PDE4D: variants seen among roughly 807,000 people sequenced by gnomAD.
The protein encoded by PDE4D is phosphodiesterase 4D.
PDE4D carries 24 observed loss-of-function variants against 87.4 expected under a neutral mutation model. The observed-to-expected ratio is 0.27, with a 90% confidence interval of 0.20 to 0.39. PDE4D has a LOEUF of 0.39. Ranked by LOEUF, PDE4D falls within the 10% of genes least tolerant of loss-of-function variation. PDE4D has a pLI of 1.00. For synonymous variants in PDE4D, 384 were observed against 383.2 expected (o/e 1.00, Z -0.02); for missense variants, 714 against 1,041.0 (o/e 0.69, Z 4.32).
At chr5:60,234,071 T>C (rs2149635102) in intron 1 of PDE4D, among the ~76,000 whole-genome samples, 1 of 151,970 alleles carries the variant, frequency 6.6e-6, no homozygotes, top group South Asian at 2.1e-4. Context: ...ATCAATAACA[T>C]TTAAAACAAC....
intron 1 of PDE4D, among the ~76,000 whole-genome samples, chr5:59,680,580 A>G (rs1258941638): frequency 6.6e-6 from 1 of 152,172 alleles, no homozygotes; most frequent in Non-Finnish European, 1.5e-5. Flanking sequence ...AAGTGAGTGG[A>G]AGTGGCTGTG....
chr5:59,974,035 G>A (rs796083602), intron 3 of PDE4D, among the ~76,000 whole-genome samples: 10 of 152,248 alleles, frequency 6.6e-5, no homozygotes, highest in African/African-American at 2.4e-4. Flanking sequence ...TTACATCCAA[G>A]CTAAGGGCAA....
chr5:60,483,682 T>C (rs1358747665), intron 1 of PDE4D, among the ~76,000 whole-genome samples: 1 of 152,162 alleles, frequency 6.6e-6, no homozygotes, highest in Admixed American at 6.5e-5. Flanking sequence ...AAAAGTCAGG[T>C]CAATGGCCCT....
At chr5:59,966,081 T>A (rs561705217) in intron 3 of PDE4D, among the ~76,000 whole-genome samples, 1 of 152,310 alleles carries the variant, frequency 6.6e-6, no homozygotes, top group East Asian at 1.9e-4. Context: ...GAGGATCTCA[T>A]CTGTTACCCC....
At chr5:59,016,305 A>G (rs1753962769) in intron 6 of PDE4D, among the ~76,000 whole-genome samples, 3 of 151,014 alleles carry the variant, frequency 2.0e-5, no homozygotes, top group Admixed American at 6.6e-5. Context: ...GATAGTCCCA[A>G]CCGCTGTATT....
intron 2 of PDE4D, among the ~76,000 whole-genome samples, chr5:60,001,904 A>G (rs1764058776): frequency 6.6e-6 from 1 of 150,904 alleles, no homozygotes; most frequent in Non-Finnish European, 1.5e-5. Flanking sequence ...AAAAACTCTA[A>G]TAGATCCAGA....
At chr5:59,882,815 T>C (rs1425316988) in intron 1 of PDE4D, among the ~76,000 whole-genome samples, 2 of 151,910 alleles carry the variant, frequency 1.3e-5, no homozygotes, top group Non-Finnish European at 2.9e-5. Context: ...GATCACTCTG[T>C]TGCTCATGAT....
intron 5 of PDE4D, among the ~76,000 whole-genome samples, chr5:59,166,079 C>T (rs920824300): frequency 6.6e-6 from 1 of 152,132 alleles, no homozygotes; most frequent in South Asian, 2.1e-4. Context: ...TATTCTTCCA[C>T]TAAGAATTTT....
At chr5:59,457,178 TAA>T (rs1371031149) in intron 1 of PDE4D, among the ~76,000 whole-genome samples, 3 of 152,198 alleles carry the variant, frequency 2.0e-5, no homozygotes, top group Non-Finnish European at 2.9e-5. Context: ...ATAAATGTGG[TAA>T]ACTTTATTGT....
chr5:59,491,616 T>C (rs1422114790), intron 1 of PDE4D, among the ~76,000 whole-genome samples: 4 of 152,202 alleles, frequency 2.6e-5, no homozygotes, highest in African/African-American at 9.6e-5. Context: ...TTTTCCTCAG[T>C]ATTTCTCCAG....
At chr5:60,281,263 T>A (rs1751872285) in intron 1 of PDE4D, among the ~76,000 whole-genome samples, 1 of 152,190 alleles carries the variant, frequency 6.6e-6, no homozygotes, top group East Asian at 1.9e-4. Flanking sequence ...TCTCCAAACG[T>A]ACAAGAAAGT....
intron 2 of PDE4D, among the ~76,000 whole-genome samples, chr5:60,056,452 G>A (rs1297112490): frequency 6.6e-6 from 1 of 151,966 alleles, no homozygotes; most frequent in Non-Finnish European, 1.5e-5. Flanking sequence ...AGGGATCAGT[G>A]TTTTTATGCT....
chr5:60,477,700 A>G (rs1353949193), intron 1 of PDE4D, among the ~76,000 whole-genome samples: 1 of 152,200 alleles, frequency 6.6e-6, no homozygotes, highest in Non-Finnish European at 1.5e-5. Flanking sequence ...TGTGACACAC[A>G]AAGAGACTTG....
chr5:60,379,825 C>A (rs529275220), intron 1 of PDE4D, among the ~76,000 whole-genome samples: 4 of 152,260 alleles, frequency 2.6e-5, no homozygotes, highest in East Asian at 3.9e-4. Context: ...CCCTTCACCC[C>A]CTTGGCCTGA....
At chr5:60,298,030 C>A (rs180888592) in intron 1 of PDE4D, among the ~76,000 whole-genome samples, 1 of 152,100 alleles carries the variant, frequency 6.6e-6, no homozygotes, top group Non-Finnish European at 1.5e-5. Flanking sequence ...TCTTTTTGTA[C>A]TTTCAGATAA....
At chr5:60,023,348 T>A (rs111835319) in intron 2 of PDE4D, among the ~76,000 whole-genome samples, 100 of 152,254 alleles carry the variant, frequency 6.6e-4, no homozygotes, top group African/African-American at 2.4e-3. Flanking sequence ...TATTTCAACT[T>A]TTTTGTTTGA....
At chr5:59,741,380 A>G (rs778635299) in intron 1 of PDE4D, among the ~76,000 whole-genome samples, 20 of 152,142 alleles carry the variant, frequency 1.3e-4, no homozygotes, top group Non-Finnish European at 2.5e-4. Context: ...CGTCCAGTCA[A>G]TAAGCCCAGT....
Position 59,203,512 on chromosome 5 carries a change from G to A in PDE4D, c.648-9976C>T, listed in dbSNP as rs369615251. Among the ~76,000 whole-genome samples the A allele has an allele frequency of 1.1e-3, 160 of 152,186 alleles. 4 individuals are homozygous for A. The South Asian group carries it at 0.031, about 29-fold the overall frequency. ...TATATATCCAAAGAAAATGAAATCAGTATGTCAAAGAGATACCTGCACTCC... is the reference window on the plus strand; with the variant it reads ...TATATATCCAAAGAAAATGAAATCAATATGTCAAAGAGATACCTGCACTCC... On this transcript the variant is annotated intron_variant, in intron 2 of 14. Coordinates refer to ENST00000340635, the MANE Select transcript of PDE4D (RefSeq NM_001104631.2).
intron 1 of PDE4D, among the ~76,000 whole-genome samples, chr5:60,386,549 T>G (rs1762204567): frequency 6.6e-6 from 1 of 152,174 alleles, no homozygotes; most frequent in Non-Finnish European, 1.5e-5. Context: ...GTCACTTGCT[T>G]CCGTTCCTCT....
Sources: gnomAD v4.1 joint callset for allele counts (sites outside exome capture counted in the v4.1 genomes callset) on GRCh38, gnomAD v4.1.1 for gene constraint, MANE v1.5 for transcripts, NCBI Gene and HGNC (gene_info 2026-07-23, HGNC 2026-07-21) for gene names.